Variants in CAPN10 observed in about 807,000 individuals in gnomAD.
CAPN10 encodes the protein calpain-10.
Under a neutral mutation model 78.4 loss-of-function variants are expected in CAPN10, and 71 were observed. That is an observed-to-expected ratio of 0.91 (90% confidence interval 0.75 to 1.10). The LOEUF is 1.10. CAPN10 is among the 50% of genes least tolerant of loss of function. The pLI is 0.00. For missense variants in CAPN10, 849 were observed against 924.6 expected (o/e 0.92, Z 1.06); for synonymous variants, 437 against 407.2 (o/e 1.07, Z -0.88).
chr2:240,597,015 G>A, intron 9 of CAPN10, 73 bp downstream of exon 9: 1 of 1,581,592 alleles, frequency 6.3e-7, no homozygotes, highest in Non-Finnish European at 8.7e-7. Flanking sequence ...GGCCTCCATT[G>A]TCCCAACAGA....
chr2:240,590,462 G>A (rs980591981), intron 2 of CAPN10: 1 of 215,002 alleles, frequency 4.7e-6, no homozygotes, highest in African/African-American at 2.3e-5. Flanking sequence ...TGTGTCCCGG[G>A]ATATGTGGCT....
At chr2:240,591,847 A>G in intron 3 of CAPN10, 86 bp from the exon 4 acceptor site, 1 of 1,244,138 alleles carries the variant, frequency 8.0e-7, no homozygotes, top group Non-Finnish European at 1.1e-6. Flanking sequence ...CGGTTGGACG[A>G]TTTGGGGTGC....
At position 240,593,954 on chromosome 2, in the gene CAPN10, G is replaced by T; in HGVS notation, c.737G>T (p.Arg246Leu). ...EFHAFIVSDLRELQGQAGQCI... is the reference protein window; with the variant it reads ...EFHAFIVSDLLELQGQAGQCI... Reference sequence around the variant, plus strand: ...CATGCCTTCATTGTCTCGGACCTGCGGGAGCTCCAGGGTCAGGCGGGCCAG... The same window carrying T: ...CATGCCTTCATTGTCTCGGACCTGCTGGAGCTCCAGGGTCAGGCGGGCCAG... Residue 246 changes from arginine (R) to leucine (L), a missense_variant, in exon 5 of 12, where the codon CGG becomes CTG. Arg to Leu is a moderately radical substitution (Grantham distance 102, BLOSUM62 -2). Coordinates refer to ENST00000391984, the MANE Select transcript of CAPN10 (RefSeq NM_023083.4). 6.2e-7 allele frequency: 1 copy of T among 1,610,182 alleles called. No homozygotes were observed. Among genetic ancestry groups the T allele is most frequent in the Non-Finnish European group, 8.5e-7 (1 of 1,177,442 alleles).
chr2:240,591,805 CAG>C lies in CAPN10; in HGVS notation c.471-125_471-124del, dbSNP rs2093103417. Reference sequence around the variant, plus strand: ...GACTTGGTGAGGATGAGGAAGAAGGCAGAGGGGAGTAAAGAGGTGGGATTGAG... The same window carrying C: ...GACTTGGTGAGGATGAGGAAGAAGGCAGGGGAGTAAAGAGGTGGGATTGAG... On this transcript the variant is annotated intron_variant, in intron 3 of 11. Coordinates refer to ENST00000391984, the MANE Select transcript of CAPN10 (RefSeq NM_023083.4). 3.9e-6 allele frequency: 3 copies of C among 760,030 alleles called. No individual in the cohort carries two copies. In the South Asian group the frequency reaches 5.3e-5, roughly 13 times the overall value. 47.1% of individuals were successfully genotyped at this position (760,030 alleles called of 1,614,324 possible). A position where few individuals can be genotyped will look rare whatever the true frequency, so the allele number is the denominator to read the frequency against.
At chr2:240,591,218 C>T (rs186479554) in intron 3 of CAPN10, 1 of 567,624 alleles carries the variant, frequency 1.8e-6, no homozygotes, top group Non-Finnish European at 3.1e-6. Flanking sequence ...TCCCTGCTTT[C>T]CCTTCCCTTG....
In CAPN10 at chr2:240,598,004, G is replaced by A. The variant is rs3749166; in HGVS notation, c.1860G>A (p.Ala620=). 955,650 of 1,612,786 alleles carry A rather than the reference G, an allele frequency of 0.59. 287,257 individuals carry two copies. Among genetic ancestry groups the A allele is most frequent in the East Asian group, 0.65 (28,974 of 44,848 alleles). ...TGAGCCGGCTCTGCCTCCTGCCTGC[G>A]GGCACCTACAAGGTTGTGCCCTCCA... ...QEVSRLCLLP[A]GTYKVVPSTY... The change falls in exon 10 of 12, where the codon GCG becomes GCA. Residue 620 remains alanine (A), a synonymous_variant. Transcript: ENST00000391984.
rs1175724176 is a variant in CAPN10 at position 240,596,919 on chromosome 2, C to T, written c.1720C>T (p.Pro574Ser). 1.2e-6 allele frequency: 2 copies of T among 1,613,550 alleles called. No individual in the cohort carries two copies. The highest frequency in any genetic ancestry group is 1.7e-6 in the Non-Finnish European group (2 of 1,180,030). ...HCRPSDTEFH[P>S]IGFHIFQVPE... Reference sequence around the variant, plus strand: ...CCGGCCCAGTGACACCGAGTTCCACCCCATCGGCTTCCATATCTTCCAGGC... The same window carrying T: ...CCGGCCCAGTGACACCGAGTTCCACTCCATCGGCTTCCATATCTTCCAGGC... The change falls in exon 9 of 12, where the codon CCC becomes TCC. Residue 574 changes from proline (P) to serine (S), a missense_variant. Pro to Ser is a moderately conservative substitution (Grantham distance 74). Transcript: ENST00000391984.
At position 240,593,931 on chromosome 2, in the gene CAPN10, T is replaced by C. The variant is rs2093119023; in HGVS notation, c.714T>C (p.His238=). Residue 238 remains histidine (H), a synonymous_variant, in exon 5 of 12, where the codon CAT becomes CAC. Transcript: ENST00000391984. ...GTGCCCGGGAGCTGGGGGAGTTCCA[T>C]GCCTTCATTGTCTCGGACCTGCGGG... The part of the protein sequence containing the change: ...RAGARELGEF[H]AFIVSDLREL... The C allele has an allele frequency of 1.2e-6, 2 of 1,605,908 alleles. No individual in the cohort carries two copies. The highest frequency in any genetic ancestry group is 2.7e-5 in the African/African-American group (2 of 74,756).
At position 240,592,770 on chromosome 2, in the gene CAPN10, C is replaced by T. The variant is rs1430606264; in HGVS notation, c.688+620C>T. On this transcript the variant is annotated intron_variant, in intron 4 of 11. Coordinates refer to ENST00000391984, the MANE Select transcript of CAPN10 (RefSeq NM_023083.4). ...CCGCACCGCTTCTCACACTGCCACA[C>T]ACGCGCTGTCAAATGTTCGCCCCAT... The T allele has an allele frequency of 2.0e-5, 5 of 250,290 alleles. 1 individual carries two copies. Among genetic ancestry groups the T allele is most frequent in the South Asian group, 1.7e-4 (4 of 23,556 alleles). 15.5% of individuals were successfully genotyped at this position (250,290 alleles called of 1,614,324 possible). A position where few individuals can be genotyped will look rare whatever the true frequency, so the allele number is the denominator to read the frequency against.
intron 3 of CAPN10, chr2:240,591,453 T>G: frequency 4.4e-6 from 1 of 226,902 alleles, no homozygotes; most frequent in Admixed American, 5.2e-5. Flanking sequence ...TCACCATGAG[T>G]CATAATTGAA....
In CAPN10 at chr2:240,586,842, T is replaced by A. The variant is rs55650580; in HGVS notation, c.-70T>A. 0.16 allele frequency: 204,271 copies of A among 1,282,046 alleles called. 17,211 individuals are homozygous for A. The highest frequency in any genetic ancestry group is 0.19 in the South Asian group (8,130 of 42,500). The allele number at this position is 1,282,046 out of a possible 1,614,324, so 79.4% of individuals were successfully genotyped here. A position where few individuals can be genotyped will look rare whatever the true frequency, so the allele number is the denominator to read the frequency against. ...GGGGCGGGCCGGAGGCGGCGGCGGCTGACTCGCCTTCTCTCCGGGGCTGCG... is the reference window on the plus strand; with the variant it reads ...GGGGCGGGCCGGAGGCGGCGGCGGCAGACTCGCCTTCTCTCCGGGGCTGCG... On this transcript the variant is annotated 5_prime_UTR_variant, in exon 1 of 12. Coordinates refer to ENST00000391984, the MANE Select transcript of CAPN10 (RefSeq NM_023083.4).
At chr2:240,594,429 G>A (rs1051126830) in intron 5 of CAPN10, 114 bp from the exon 6 acceptor site, 11 of 1,082,552 alleles carry the variant, frequency 1.0e-5, no homozygotes, top group African/African-American at 6.3e-5. Flanking sequence ...GCACGGGGTT[G>A]CTGGCAGGAA....
intron 1 of CAPN10, among the ~76,000 whole-genome samples, 192 bp from the exon 2 acceptor site, chr2:240,589,151 C>T (rs1003793508): frequency 6.6e-6 from 1 of 152,174 alleles, no homozygotes; most frequent in Admixed American, 6.5e-5. Context: ...CAGAATTAAG[C>T]TGGACAGAGG....
At chr2:240,598,611 G>A (rs571664353) in intron 11 of CAPN10, 40 bp from the exon 12 acceptor site, 14 of 1,563,640 alleles carry the variant, frequency 9.0e-6, no homozygotes, top group Middle Eastern at 1.7e-4. Context: ...GAGAAGGGGC[G>A]AGTGCCACCG....
intron 8 of CAPN10, 49 bp from the exon 9 acceptor site, chr2:240,596,632 C>G (rs2093138625): frequency 1.3e-6 from 2 of 1,530,630 alleles, no homozygotes; most frequent in Non-Finnish European, 1.8e-6. Flanking sequence ...GGAACTGAGG[C>G]CACCGGGAAC....
rs747049929 is a variant in CAPN10 at position 240,596,868 on chromosome 2, G to A, written c.1669G>A (p.Val557Ile). The A allele has an allele frequency of 4.8e-5, 78 of 1,613,578 alleles. No homozygotes were observed. The highest frequency in any genetic ancestry group is 6.7e-5 in the African/African-American group (5 of 75,056). Reference protein sequence around the residue: ...SVPEGPGPRCVRITLHQHCRP... With the variant: ...SVPEGPGPRCIRITLHQHCRP... ...CCCCGAGGGCCCTGGCCCCCGCTGC[G>A]TCCGCATCACTCTGCATCAGCACTG... The change falls in exon 9 of 12, where the codon GTC becomes ATC. Residue 557 changes from valine (V) to isoleucine (I), a missense_variant. By Grantham distance (29) the Val-to-Ile change is conservative. Transcript: ENST00000391984.
At chr2:240,593,846 T>G in intron 4 of CAPN10, 60 bp from the exon 5 acceptor site, 2 of 1,527,460 alleles carry the variant, frequency 1.3e-6, no homozygotes, top group Non-Finnish European at 1.8e-6. Context: ...CTGTGTGTCC[T>G]TGTCAGTTTG....
At chr2:240,593,873 T>C (rs1383588963) in intron 4 of CAPN10, 33 bp from the exon 5 acceptor site, 1 of 1,560,170 alleles carries the variant, frequency 6.4e-7, no homozygotes, top group African/African-American at 1.4e-5. Flanking sequence ...CATGGTGCCC[T>C]TCCTGCCTGT....
chr2:240,591,639 G>A, intron 3 of CAPN10: 1 of 468,266 alleles, frequency 2.1e-6, no homozygotes, highest in South Asian at 3.4e-5. Context: ...GCCAAGGGAT[G>A]TGGGCATCCA....
Sources: gnomAD v4.1 joint callset for allele counts (sites outside exome capture counted in the v4.1 genomes callset) on GRCh38, gnomAD v4.1.1 for gene constraint, MANE v1.5 for transcripts, NCBI Gene and HGNC (gene_info 2026-07-23, HGNC 2026-07-21) for gene names.